RSF1: variants seen among roughly 807,000 people sequenced by gnomAD.
RSF1 encodes the protein HBV pX-associated protein 8.
RSF1 carries 13 observed loss-of-function variants against 145.2 expected under a neutral mutation model. That is an observed-to-expected ratio of 0.09 (90% CI 0.06 to 0.14). RSF1 has a LOEUF of 0.14. Among genes scored for constraint, RSF1 ranks in the 10% least tolerant of loss-of-function variants. The pLI, the probability that RSF1 is intolerant of heterozygous loss-of-function variation, is 1.00. For missense variants in RSF1, 1,517 were observed against 1,718.2 expected (o/e 0.88, Z 2.07); for synonymous variants, 577 against 592.6 (o/e 0.97, Z 0.38).
chr11:77,792,438 G>A (rs1448211178), intron 1 of RSF1, among the ~76,000 whole-genome samples: 1 of 152,140 alleles, frequency 6.6e-6, no homozygotes, highest in African/African-American at 2.4e-5. Flanking sequence ...CGGCCTGTCT[G>A]TACCTGGCTA....
At chr11:77,671,157 ATATATATATATATATATATATT>A (rs1959531553) in intron 15 of RSF1, among the ~76,000 whole-genome samples, 1 of 74,738 alleles carries the variant, frequency 1.3e-5, no homozygotes, top group African/African-American at 6.9e-5. Context: ...ATATATATAT[ATATATATATATATATATATATT>A]TATATGTATA....
At chr11:77,804,794 T>C (rs532167094) in intron 1 of RSF1, among the ~76,000 whole-genome samples, 5 of 152,310 alleles carry the variant, frequency 3.3e-5, no homozygotes, top group African/African-American at 1.2e-4. Flanking sequence ...TCCACCACTA[T>C]ACTCCAGCCG....
At chr11:77,690,021 G>A (rs775625195) in intron 9 of RSF1, among the ~76,000 whole-genome samples, 11 of 152,002 alleles carry the variant, frequency 7.2e-5, no homozygotes, top group Non-Finnish European at 1.3e-4. Context: ...AATTAGCCAG[G>A]CGTGGTGGCG....
intron 1 of RSF1, among the ~76,000 whole-genome samples, chr11:77,795,289 A>G (rs1214988269): frequency 6.6e-6 from 1 of 152,234 alleles, no homozygotes; most frequent in Admixed American, 6.5e-5. Flanking sequence ...TACAGATTCA[A>G]TGCAATTCCT....
intron 1 of RSF1, among the ~76,000 whole-genome samples, chr11:77,807,417 A>G (rs1948687858): frequency 6.6e-6 from 1 of 152,238 alleles, no homozygotes; most frequent in African/African-American, 2.4e-5. Flanking sequence ...GCATAACTAT[A>G]TTCATGCAAA....
At chr11:77,834,091 G>T in the RSF1 span, among the ~76,000 whole-genome samples, 1 of 152,120 alleles carries the variant, frequency 6.6e-6, no homozygotes, top group Non-Finnish European at 1.5e-5. Flanking sequence ...GTTTTTTATG[G>T]TGCTTTAAAT....
Position 77,667,328 on chromosome 11 carries a change from C to T in RSF1, c.3915G>A (p.Thr1305=), listed in dbSNP as rs140576554. The change falls in exon 16 of 16, where the codon ACG becomes ACA. Residue 1305 remains threonine (T), a synonymous_variant. Coordinates refer to ENST00000308488, the MANE Select transcript of RSF1 (RefSeq NM_016578.4). ...PSRKRLHRIE[T]DEEESCDNAH... ...CATTGTCACAACTCTCCTCCTCATC[C>T]GTCTCAATCCGGTGTAGCCGTTTGC... 2.0e-5 allele frequency: 32 copies of T among 1,613,918 alleles called. 1 individual carries two copies. The African/African-American group carries it at 2.4e-4, about 12-fold the overall frequency.
At chr11:77,770,140 C>T (rs2135943673) in intron 1 of RSF1, among the ~76,000 whole-genome samples, 1 of 152,280 alleles carries the variant, frequency 6.6e-6, no homozygotes, top group South Asian at 2.1e-4. Flanking sequence ...AGACTATGAA[C>T]TGTAACTTAG....
chr11:77,835,223 C>T, the RSF1 span, among the ~76,000 whole-genome samples: 1 of 152,112 alleles, frequency 6.6e-6, no homozygotes, highest in African/African-American at 2.4e-5. Context: ...TAAAGGACAC[C>T]AGACATATAC....
At chr11:77,806,384 G>C (rs1948677962) in intron 1 of RSF1, among the ~76,000 whole-genome samples, 1 of 152,164 alleles carries the variant, frequency 6.6e-6, no homozygotes. Flanking sequence ...TTTTCATGCA[G>C]TTAAGACATG....
intron 1 of RSF1, among the ~76,000 whole-genome samples, chr11:77,789,597 C>T (rs369798187): frequency 6.6e-6 from 1 of 152,190 alleles, no homozygotes; most frequent in Non-Finnish European, 1.5e-5. Flanking sequence ...GTGTGTTCCC[C>T]ACCCACCAGT....
At chr11:77,861,423 G>A in the RSF1 span, among the ~76,000 whole-genome samples, 5 of 152,182 alleles carry the variant, frequency 3.3e-5, no homozygotes, top group South Asian at 4.1e-4. Context: ...TGAGAAGGCC[G>A]CGCCAGTGTC....
At chr11:77,730,526 C>A (rs535352606) in intron 4 of RSF1, among the ~76,000 whole-genome samples, 1 of 152,288 alleles carries the variant, frequency 6.6e-6, no homozygotes, top group African/African-American at 2.4e-5. Flanking sequence ...CCTGTCCTTT[C>A]CTACTCAATT....
rs780527092 is a variant in RSF1 at position 77,702,437 on chromosome 11, G to A, written c.792C>T (p.Asn264=). 2 of 1,579,120 alleles carry A rather than the reference G, an allele frequency of 1.3e-6. No homozygotes were observed. The highest frequency in any genetic ancestry group is 2.4e-5 in the South Asian group (2 of 83,160). The change falls in exon 6 of 16, where the codon AAC becomes AAT. Residue 264 remains asparagine, a synonymous_variant. Coordinates refer to ENST00000308488, the MANE Select transcript of RSF1 (RefSeq NM_016578.4). The part of the protein sequence containing the change: ...KSEEQPMDLE[N]RSTANVLEET... ...CTTCTAGAACATTGGCTGTAGAACG[G>A]TTTTCTAAATCCATAGGCTGCTCCT... is the stretch of plus-strand genomic sequence containing the variant.
At chr11:77,853,093 AG>A in the RSF1 span, among the ~76,000 whole-genome samples, 2 of 152,250 alleles carry the variant, frequency 1.3e-5, no homozygotes, top group African/African-American at 4.8e-5. Context: ...ATGTAAATGT[AG>A]ATTTGTTAGA....
intron 8 of RSF1, among the ~76,000 whole-genome samples, chr11:77,692,681 GTTTT>G (rs71046905): frequency 1.5e-5 from 2 of 137,000 alleles, no homozygotes; most frequent in Non-Finnish European, 3.2e-5. Flanking sequence ...GCCTGGCGGT[GTTTT>G]TTTTTTTTTT....
At chr11:77,752,365 A>G (rs989467342) in intron 2 of RSF1, among the ~76,000 whole-genome samples, 2 of 152,202 alleles carry the variant, frequency 1.3e-5, no homozygotes, top group African/African-American at 4.8e-5. Flanking sequence ...GGCACAGCTC[A>G]GGCTGAAAAT....
At chr11:77,704,632 C>G (rs1960500226) in intron 5 of RSF1, among the ~76,000 whole-genome samples, 1 of 152,050 alleles carries the variant, frequency 6.6e-6, no homozygotes. Context: ...ACTCACTGAT[C>G]TTTCTTCATC....
intron 1 of RSF1, among the ~76,000 whole-genome samples, chr11:77,810,682 T>C (rs927304313): frequency 9.9e-5 from 15 of 152,278 alleles, no homozygotes; most frequent in Admixed American, 3.9e-4. Context: ...TGTGGCAGCC[T>C]CCTAGGTAGC....
Sources: gnomAD v4.1 joint callset for allele counts (sites outside exome capture counted in the v4.1 genomes callset) on GRCh38, gnomAD v4.1.1 for gene constraint, MANE v1.5 for transcripts, NCBI Gene and HGNC (gene_info 2026-07-23, HGNC 2026-07-21) for gene names.